ZFPM1: variants seen among roughly 807,000 people sequenced by gnomAD.
ZFPM1 encodes the protein zinc finger protein ZFPM1.
ZFPM1 carries 28 observed loss-of-function variants against 46.3 expected under a neutral mutation model. That is an observed-to-expected ratio of 0.60 (90% CI 0.45 to 0.83). The LOEUF is 0.83. Ranked by LOEUF, ZFPM1 falls within the 40% of genes least tolerant of loss-of-function variation. ZFPM1 has a pLI of 0.00. For missense variants in ZFPM1, 1,878 were observed against 1,432.4 expected (o/e 1.31, Z -5.02); for synonymous variants, 957 against 675.9 (o/e 1.42, Z -6.45).
chr16:88,524,565 C>A (rs1052201458), intron 4 of ZFPM1, among the ~76,000 whole-genome samples: 2 of 152,214 alleles, frequency 1.3e-5, no homozygotes, highest in East Asian at 3.8e-4. Context: ...GCCCTGTGGA[C>A]GGCACCCCAT....
chr16:88,500,620 G>A (rs1238994116), intron 3 of ZFPM1, among the ~76,000 whole-genome samples: 2 of 152,248 alleles, frequency 1.3e-5, no homozygotes, highest in African/African-American at 4.8e-5. Context: ...TGCTGTTGCC[G>A]TTACTGGCAC....
At chr16:88,492,246 C>G (rs984135636) in intron 3 of ZFPM1, among the ~76,000 whole-genome samples, 9 of 152,116 alleles carry the variant, frequency 5.9e-5, no homozygotes, top group African/African-American at 1.9e-4. Flanking sequence ...CTGCCCCTTT[C>G]TCTCCCAATT....
chr16:88,517,216 GGATGGA>G (rs1191317063), intron 4 of ZFPM1, among the ~76,000 whole-genome samples: 9 of 141,962 alleles, frequency 6.3e-5, no homozygotes, highest in East Asian at 4.4e-4. Flanking sequence ...ATGGATGGAT[GGATGGA>G]TGGATGGGTG....
intron 1 of ZFPM1, among the ~76,000 whole-genome samples, chr16:88,456,813 C>T (rs531309124): frequency 2.6e-4 from 40 of 152,214 alleles, no homozygotes; most frequent in South Asian, 6.2e-4. Context: ...TGTGGGAGTC[C>T]CCAGGTCAGG....
At chr16:88,507,535 T>C (rs1206680047) in intron 3 of ZFPM1, among the ~76,000 whole-genome samples, 5 of 152,202 alleles carry the variant, frequency 3.3e-5, no homozygotes, top group Non-Finnish European at 7.4e-5. Flanking sequence ...GCCTTCTCCA[T>C]GCCCTGGCAG....
At chr16:88,504,509 G>C (rs1165906658) in intron 3 of ZFPM1, among the ~76,000 whole-genome samples, 2 of 152,148 alleles carry the variant, frequency 1.3e-5, no homozygotes, top group Non-Finnish European at 2.9e-5. Context: ...CCAGCTTGGA[G>C]GTGACATGAG....
At position 88,469,463 on chromosome 16, in the gene ZFPM1, G is replaced by C. The variant is rs1381901437; in HGVS notation, c.40+15785G>C. 3.9e-5 allele frequency among the ~76,000 whole-genome samples: 6 copies of C among 152,192 alleles called. No homozygotes were observed. The highest frequency in any genetic ancestry group is 1.4e-4 in the African/African-American group (6 of 41,436). On this transcript the variant is annotated intron_variant, in intron 1 of 9. Transcript: ENST00000319555. The surrounding 1 kb of genome is among the most constrained non-coding windows in gnomAD (Gnocchi z 4.3). ...TGGCAGGTTCTCTGGGGGTCCTCCTGTCTGTGGCTGTGGCATAGCCTGGAA... is the reference window on the plus strand; with the variant it reads ...TGGCAGGTTCTCTGGGGGTCCTCCTCTCTGTGGCTGTGGCATAGCCTGGAA...
At chr16:88,466,426 C>G (rs1908137935) in intron 1 of ZFPM1, among the ~76,000 whole-genome samples, 4 of 152,218 alleles carry the variant, frequency 2.6e-5, no homozygotes, top group Admixed American at 2.6e-4. Context: ...GGCTTAGAGT[C>G]TAGCCGAGGT....
chr16:88,500,307 T>TC (rs1290922423), intron 3 of ZFPM1, among the ~76,000 whole-genome samples: 1 of 151,882 alleles, frequency 6.6e-6, no homozygotes, highest in Admixed American at 6.6e-5. Flanking sequence ...CACAGCCAGC[T>TC]CCCCCCATGA....
intron 4 of ZFPM1, among the ~76,000 whole-genome samples, chr16:88,520,589 G>GAT (rs1567550039): frequency 2.2e-4 from 20 of 92,552 alleles, no homozygotes; most frequent in African/African-American, 6.8e-4. Context: ...TGGATGGATG[G>GAT]GAGGGTGAGT....
intron 7 of ZFPM1, 38 bp from the exon 8 acceptor site, chr16:88,532,576 C>G (rs972516841): frequency 6.5e-7 from 1 of 1,541,332 alleles, no homozygotes; most frequent in African/African-American, 1.4e-5. Flanking sequence ...CAAGGTTAAG[C>G]TGGCCCGGGC....
In ZFPM1 at chr16:88,480,764, C is replaced by T. The variant is rs1037238448; in HGVS notation, c.41-5175C>T. ...CCAGGGGCCTCAGACTCCTCATCCA[C>T]AGCCCCCATCTGCGCCCCACCTGGC... On this transcript the variant is annotated intron_variant, in intron 1 of 9. Transcript: ENST00000319555. The surrounding 1 kb of genome is among the most constrained non-coding windows in gnomAD (Gnocchi z 4.9). Among the ~76,000 whole-genome samples the T allele has an allele frequency of 6.6e-6, 1 of 152,184 alleles. No homozygotes were observed. Among genetic ancestry groups the T allele is most frequent in the African/African-American group, 2.4e-5 (1 of 41,454 alleles).
chr16:88,532,231 C>A lies in ZFPM1; in HGVS notation c.942C>A (p.His314Gln). 1.3e-6 allele frequency: 2 copies of A among 1,598,666 alleles called. No homozygotes were observed. Among genetic ancestry groups the A allele is most frequent in the Non-Finnish European group, 8.5e-7 (1 of 1,169,802 alleles). ...CCCTGGAGATCCACATGCGCAGCCA[C>A]AGCGGTGAGCCCCCACCCCGGACGC... ...ASSLEIHMRS[H>Q]SGERPFVCLI... Residue 314 changes from histidine to glutamine, a missense_variant, in exon 7 of 10, where the codon CAC (histidine) becomes CAA (glutamine). Coordinates refer to ENST00000319555, the MANE Select transcript of ZFPM1 (RefSeq NM_153813.3).
intron 1 of ZFPM1, among the ~76,000 whole-genome samples, chr16:88,456,253 C>T (rs1907554848): frequency 6.6e-6 from 1 of 152,244 alleles, no homozygotes; most frequent in Non-Finnish European, 1.5e-5. Flanking sequence ...ACACCCCGCC[C>T]CGAGTCCTCG....
In ZFPM1 at chr16:88,534,750, G is replaced by GCCCGCCCCCGT. The variant is rs1357200910; in HGVS notation, c.2796_2806dup (p.Pro936ArgfsTer74). The GCCCGCCCCCGT allele has an allele frequency of 3.9e-6, 4 of 1,024,584 alleles. No individual in the cohort carries two copies. The highest frequency in any genetic ancestry group is 3.5e-5 in the African/African-American group (2 of 57,148). 63.5% of individuals were successfully genotyped at this position (1,024,584 alleles called of 1,614,324 possible). A position where few individuals can be genotyped will look rare whatever the true frequency, so the allele number is the denominator to read the frequency against. Reference sequence around the variant, plus strand: ...CCGGAGCCCCAGGAGCCGCCGCCCGGCCCGCCCCCGTCCCCGGCCGCCGCG... The same window carrying GCCCGCCCCCGT: ...CCGGAGCCCCAGGAGCCGCCGCCCGGCCCGCCCCCGTCCCGCCCCCGTCCCCGGCCGCCGCG... On this transcript the variant is annotated frameshift_variant, in exon 10 of 10. Transcript: ENST00000319555. LOFTEE classifies it low-confidence loss of function (END_TRUNC).
intron 1 of ZFPM1, among the ~76,000 whole-genome samples, chr16:88,461,183 C>CGGGAGGCCTGGTGAGGACCCA (rs1907856948): frequency 2.0e-4 from 7 of 34,724 alleles, no homozygotes; most frequent in South Asian, 1.3e-3. Flanking sequence ...GACCGAGGGG[C>CGGGAGGCCTGGTGAGGACCCA]GGGGCGGGAG....
At chr16:88,527,724 T>G (rs1912458946) in intron 5 of ZFPM1, among the ~76,000 whole-genome samples, 2 of 151,736 alleles carry the variant, frequency 1.3e-5, no homozygotes, top group Admixed American at 6.6e-5. Flanking sequence ...CGTCCCTGAG[T>G]GGCCACCCAG....
chr16:88,485,934 C>T lies in ZFPM1; in HGVS notation c.41-5C>T, dbSNP rs1909195569. On this transcript the variant is annotated splice_polypyrimidine_tract_variant and splice_region_variant and intron_variant, in intron 1 of 9. Coordinates refer to ENST00000319555, the MANE Select transcript of ZFPM1 (RefSeq NM_153813.3). ...TCCCGAACCCCCATCGTCTTGTGTC[C>T]ACAGGTTCCCTCGGAGACATGGAGG... 3 of 1,612,682 alleles carry T rather than the reference C, an allele frequency of 1.9e-6. No individual in the cohort carries two copies. Among genetic ancestry groups the T allele is most frequent in the Non-Finnish European group, 2.5e-6 (3 of 1,179,734 alleles).
intron 1 of ZFPM1, 32 bp from the exon 2 acceptor site, chr16:88,485,906 TC>T: frequency 6.2e-7 from 1 of 1,605,784 alleles, no homozygotes; most frequent in Non-Finnish European, 8.5e-7. Flanking sequence ...CCCCCAGAGC[TC>T]CTCCCGAACC....
Sources: allele counts gnomAD v4.1 joint callset (sites outside exome capture counted in the v4.1 genomes callset), GRCh38; gene constraint gnomAD v4.1.1; non-coding constraint Gnocchi (gnomAD v3.1); transcripts MANE v1.5; gene names NCBI Gene and HGNC (gene_info 2026-07-23, HGNC 2026-07-21).